The following CA8 variants were observed in gnomAD, a reference collection of about 807,000 sequenced individuals.
The protein encoded by CA8 is carbonic anhydrase-related protein.
CA8 carries 22 observed loss-of-function variants against 41.4 expected under a neutral mutation model. The ratio of observed to expected loss-of-function variants is 0.53; its 90% CI spans 0.38 to 0.76. The LOEUF is 0.76. CA8 is among the 30% of genes least tolerant of loss of function. The pLI is 0.00. For missense variants in CA8, 270 were observed against 352.8 expected (o/e 0.77, Z 1.88); for synonymous variants, 121 against 130.6 (o/e 0.93, Z 0.50).
At chr8:60,248,571 G>C (rs1023032683) in intron 3 of CA8, among the ~76,000 whole-genome samples, 2 of 152,264 alleles carry the variant, frequency 1.3e-5, no homozygotes, top group Admixed American at 1.3e-4. Context: ...TAGATGTGTG[G>C]TGTTATTTCT....
chr8:60,277,381 T>C (rs191965953), intron 2 of CA8, among the ~76,000 whole-genome samples: 2 of 151,890 alleles, frequency 1.3e-5, no homozygotes, highest in Admixed American at 6.6e-5. Flanking sequence ...GAGACGGAGT[T>C]TTGCTTTTGT....
chr8:60,211,161 C>T (rs1806822076), intron 7 of CA8, among the ~76,000 whole-genome samples: 1 of 152,124 alleles, frequency 6.6e-6, no homozygotes, highest in African/African-American at 2.4e-5. Flanking sequence ...ACAGTATTCA[C>T]AAGGATAGCC....
chr8:60,202,970 TA>T, intron 8 of CA8, among the ~76,000 whole-genome samples: 1 of 152,104 alleles, frequency 6.6e-6, no homozygotes, highest in African/African-American at 2.4e-5. Context: ...TAGACATTTA[TA>T]GTCTCGTGGA....
chr8:60,256,201 C>T (rs1265412086), intron 3 of CA8, among the ~76,000 whole-genome samples: 1 of 152,188 alleles, frequency 6.6e-6, no homozygotes, highest in African/African-American at 2.4e-5. Flanking sequence ...TGAGCCGCCA[C>T]ACTCGGCCTA....
rs7464181 is a variant in CA8 at position 60,266,015 on chromosome 8, T to C, written c.327A>G (p.Glu109=). The part of the protein sequence containing the change: ...LSGGPLPQGH[E]FELYEVRFHW... ...GAAATCTCACTTCGTACAGTTCAAA[T>C]TCATGCCCTTGAGGCAATGGTCCTC... Residue 109 remains glutamate (E), a synonymous_variant, in exon 3 of 9, where the codon GAA becomes GAG. Coordinates refer to ENST00000317995, the MANE Select transcript of CA8 (RefSeq NM_004056.6). 686,421 of 1,612,348 alleles carry C rather than the reference T, an allele frequency of 0.43. 153,050 individuals are homozygous for C. Among genetic ancestry groups the C allele is most frequent in the African/African-American group, 0.77 (57,935 of 74,920 alleles).
At chr8:60,244,545 A>G (rs760055832) in intron 3 of CA8, among the ~76,000 whole-genome samples, 44 of 152,360 alleles carry the variant, frequency 2.9e-4, no homozygotes, top group Non-Finnish European at 5.9e-4. Context: ...AAGCATGCAC[A>G]TAGAGCAATT....
intron 3 of CA8, among the ~76,000 whole-genome samples, chr8:60,249,917 G>C (rs1489796182): frequency 6.6e-6 from 1 of 152,164 alleles, no homozygotes; most frequent in East Asian, 1.9e-4. Flanking sequence ...TACTGATGTG[G>C]ATAAGGACAA....
chr8:60,230,581 C>T (rs1205286965), intron 4 of CA8, among the ~76,000 whole-genome samples: 4 of 151,878 alleles, frequency 2.6e-5, no homozygotes, highest in Non-Finnish European at 5.9e-5. Context: ...CCATCCCTCC[C>T]TTCCCCTCTC....
At chr8:60,270,315 G>A (rs562328691) in intron 2 of CA8, among the ~76,000 whole-genome samples, 4 of 152,294 alleles carry the variant, frequency 2.6e-5, no homozygotes, top group African/African-American at 4.8e-5. Flanking sequence ...GAGCCACACC[G>A]TCAACACAGA....
At chr8:60,200,356 C>G (rs1451024604) in intron 8 of CA8, among the ~76,000 whole-genome samples, 1 of 152,168 alleles carries the variant, frequency 6.6e-6, no homozygotes, top group Non-Finnish European at 1.5e-5. Flanking sequence ...GCTTCTACCC[C>G]CAATAAGGGG....
At chr8:60,257,603 G>T (rs1213412144) in intron 3 of CA8, among the ~76,000 whole-genome samples, 3 of 152,014 alleles carry the variant, frequency 2.0e-5, no homozygotes, top group Non-Finnish European at 4.4e-5. Flanking sequence ...TGTCACAGGG[G>T]TCCCAGGTTC....
At position 60,199,288 on chromosome 8, in the gene CA8, C is replaced by A. The variant is rs548796898; in HGVS notation, c.*36-9303G>T. ...ATTATCAGACAACAAAGGTTTATTG[C>A]TTCGGTTTTTTTCTATGTATGCGGA... On this transcript the variant is annotated intron_variant, in intron 8 of 8. Transcript: ENST00000317995. Among the ~76,000 whole-genome samples, 15 of 152,072 alleles carry A rather than the reference C, an allele frequency of 9.9e-5. No homozygotes were observed. The South Asian group carries it at 3.1e-3, about 32-fold the overall frequency.
intron 3 of CA8, among the ~76,000 whole-genome samples, chr8:60,255,516 C>G (rs1808604268): frequency 6.6e-6 from 1 of 152,160 alleles, no homozygotes; most frequent in African/African-American, 2.4e-5. Flanking sequence ...GCCAAATAAA[C>G]TGGTTCCACT....
At chr8:60,219,929 T>TAAAAAAAAAAAAAAAAAAAAA (rs546162939) in intron 7 of CA8, among the ~76,000 whole-genome samples, 1 of 82,032 alleles carries the variant, frequency 1.2e-5, no homozygotes, top group African/African-American at 4.8e-5. Flanking sequence ...AATCTTAACT[T>TAAAAAAAAAAAAAAAAAAAAA]AAAAAAAAAA....
At chr8:60,216,707 T>G (rs555985008) in intron 7 of CA8, among the ~76,000 whole-genome samples, 1 of 152,142 alleles carries the variant, frequency 6.6e-6, no homozygotes, top group African/African-American at 2.4e-5. Flanking sequence ...CTGGCCAGTA[T>G]AGTAGTAAAA....
chr8:60,223,822 G>A (rs141379687), intron 6 of CA8, among the ~76,000 whole-genome samples: 2,996 of 152,266 alleles, frequency 0.02, 69 homozygotes, highest in South Asian at 0.082. Context: ...AACTGGTTTT[G>A]TTTAAAACAC....
intron 4 of CA8, among the ~76,000 whole-genome samples, chr8:60,229,034 A>G (rs1366062279): frequency 6.6e-6 from 1 of 152,192 alleles, no homozygotes; most frequent in Non-Finnish European, 1.5e-5. Context: ...TGGTACCAAG[A>G]GTCCACCAGG....
intron 8 of CA8, among the ~76,000 whole-genome samples, chr8:60,195,604 ACTAGTGGAACAC>A (rs1410754110): frequency 6.6e-6 from 1 of 152,182 alleles, no homozygotes; most frequent in Non-Finnish European, 1.5e-5. Context: ...TGTCCTGTAC[ACTAGTGGAACAC>A]TTCCTCAGGC....
At chr8:60,270,340 A>T (rs923346324) in intron 2 of CA8, among the ~76,000 whole-genome samples, 1 of 152,220 alleles carries the variant, frequency 6.6e-6, no homozygotes, top group Non-Finnish European at 1.5e-5. Context: ...ACCCCACACC[A>T]GTGGGTCCCT....
Sources: gnomAD v4.1 joint callset for allele counts (sites outside exome capture counted in the v4.1 genomes callset) on GRCh38, gnomAD v4.1.1 for gene constraint, MANE v1.5 for transcripts, NCBI Gene and HGNC (gene_info 2026-07-23, HGNC 2026-07-21) for gene names.